PLA2G4D: variants seen among roughly 807,000 people sequenced by gnomAD.
PLA2G4D encodes cytosolic phospholipase A2 delta.
A neutral mutation model predicts 94.4 loss-of-function variants in PLA2G4D; 80 were observed. The observed-to-expected ratio is 0.85, with a 90% CI of 0.71 to 1.02. The LOEUF is 1.02. PLA2G4D is among the 50% of genes least tolerant of loss of function. The pLI is 0.00. For synonymous variants in PLA2G4D, 438 were observed against 440.9 expected (o/e 0.99, Z 0.08); for missense variants, 1,050 against 1,034.7 (o/e 1.01, Z -0.20).
rs780164642 is a variant in PLA2G4D at position 42,083,339 on chromosome 15, G to C, written c.536-5C>G. On this transcript the variant is annotated splice_region_variant and splice_polypyrimidine_tract_variant and intron_variant, in intron 7 of 19. Coordinates refer to ENST00000290472, the MANE Select transcript of PLA2G4D (RefSeq NM_178034.4). ...CCAGCTCCAGCTTGTCCTGATCTAGGGAGAGAGTAGGCGGGTTAGCATGAG... is the reference window on the plus strand; with the variant it reads ...CCAGCTCCAGCTTGTCCTGATCTAGCGAGAGAGTAGGCGGGTTAGCATGAG... 1 of 1,611,408 alleles carries C rather than the reference G, an allele frequency of 6.2e-7. No homozygotes were observed. The highest frequency in any genetic ancestry group is 1.1e-5 in the South Asian group (1 of 90,750).
chr15:42,086,623 G>C (rs1473396127), intron 3 of PLA2G4D, among the ~76,000 whole-genome samples: 2 of 152,118 alleles, frequency 1.3e-5, no homozygotes, highest in African/African-American at 4.8e-5. Context: ...GGCTGAGGTG[G>C]GTGGGTCACC....
intron 12 of PLA2G4D, 39 bp downstream of exon 12, chr15:42,080,958 C>T (rs1890023599): frequency 1.2e-6 from 2 of 1,605,188 alleles, no homozygotes; most frequent in Non-Finnish European, 8.5e-7. Context: ...CGCTATGGCC[C>T]CTGATTGTCT....
Position 42,084,099 on chromosome 15 carries a change from G to T in PLA2G4D, c.472-320C>A. 1 of 333,880 alleles carries T rather than the reference G, an allele frequency of 3.0e-6. No homozygotes were observed. The highest frequency in any genetic ancestry group is 5.6e-6 in the Non-Finnish European group (1 of 178,290). The allele number at this position is 333,880 out of a possible 1,614,324, so 20.7% of individuals were successfully genotyped here. A position where few individuals can be genotyped will look rare whatever the true frequency, so the allele number is the denominator to read the frequency against. Reference sequence around the variant, plus strand: ...TCTTCTCTTGTTTCCCTGTGGCTTGGAGCTGGAGGAGGTATTCTACCACAA... The same window carrying T: ...TCTTCTCTTGTTTCCCTGTGGCTTGTAGCTGGAGGAGGTATTCTACCACAA... On this transcript the variant is annotated intron_variant, in intron 6 of 19. Transcript: ENST00000290472. This position sits in a 1 kb window ranked among gnomAD's most constrained non-coding sequence, Gnocchi z 4.8.
chr15:42,070,572 G>T, intron 18 of PLA2G4D, 145 bp downstream of exon 18: 1 of 1,067,888 alleles, frequency 9.4e-7, no homozygotes, highest in Non-Finnish European at 1.3e-6. Context: ...TAAGGACCCT[G>T]GCAGGAGCCA....
Position 42,086,194 on chromosome 15 carries a change from T to TTCTC in PLA2G4D, c.387+18_387+19insGAGA. The stretch of plus-strand genomic sequence containing the variant: ...GGAAGAAGTGGGGCCCACGGGGACT[T>TTCTC]CCCCACCCACCCACCCACCTGGGGA... On this transcript the variant is annotated intron_variant, in intron 4 of 19. Transcript: ENST00000290472. The TTCTC allele has an allele frequency of 1.5e-6, 2 of 1,370,444 alleles. No homozygotes were observed. The highest frequency in any genetic ancestry group is 1.5e-5 in the South Asian group (1 of 66,866). 84.9% of individuals were successfully genotyped at this position (1,370,444 alleles called of 1,614,324 possible). A position where few individuals can be genotyped will look rare whatever the true frequency, so the allele number is the denominator to read the frequency against.
At chr15:42,088,306 T>A (rs933046470) in intron 1 of PLA2G4D, among the ~76,000 whole-genome samples, 2 of 152,146 alleles carry the variant, frequency 1.3e-5, no homozygotes, top group Non-Finnish European at 2.9e-5. Flanking sequence ...AAGGCCACTG[T>A]GTATTAAGAT....
Position 42,086,194 on chromosome 15 carries a change from T to TTGGGGGGGGGGGGGGGGGGGGGGGGGG in PLA2G4D, c.387+18_387+19insCCCCCCCCCCCCCCCCCCCCCCCCCCA. 3 of 1,370,440 alleles carry TTGGGGGGGGGGGGGGGGGGGGGGGGGG rather than the reference T, an allele frequency of 2.2e-6. No homozygotes were observed. Among genetic ancestry groups the TTGGGGGGGGGGGGGGGGGGGGGGGGGG allele is most frequent in the African/African-American group, 1.6e-5 (1 of 64,356 alleles). The allele number at this position is 1,370,440 out of a possible 1,614,324, so 84.9% of individuals were successfully genotyped here. On this transcript the variant is annotated intron_variant, in intron 4 of 19. Transcript: ENST00000290472. Reference sequence around the variant, plus strand: ...GGAAGAAGTGGGGCCCACGGGGACTTCCCCACCCACCCACCCACCTGGGGA... The same window carrying TTGGGGGGGGGGGGGGGGGGGGGGGGGG: ...GGAAGAAGTGGGGCCCACGGGGACTTTGGGGGGGGGGGGGGGGGGGGGGGGGGCCCCACCCACCCACCCACCTGGGGA...
chr15:42,070,754 A>T lies in PLA2G4D; in HGVS notation c.2006T>A (p.Ile669Asn), dbSNP rs137875756. The T allele has an allele frequency of 5.7e-6, 9 of 1,577,470 alleles. No individual in the cohort carries two copies. The African/African-American group carries it at 1.2e-4, about 21-fold the overall frequency. The change falls in exon 18 of 20, where the codon ATC becomes AAC. Residue 669 changes from isoleucine to asparagine, a missense_variant. By Grantham distance (149) the Ile-to-Asn change is moderately radical. Coordinates refer to ENST00000290472, the MANE Select transcript of PLA2G4D (RefSeq NM_178034.4). ...AGATAGGGAGTAGTCGAAGGAGAGG[A>T]TGAGGTCCAGCCTGCGGCCTGGCCG... is the stretch of plus-strand genomic sequence containing the variant. ...MFRPGRRLDL[I>N]LSFDYSLSAP...
Position 42,085,114 on chromosome 15 carries a change from G to A in PLA2G4D, c.453C>T (p.Ile151=), listed in dbSNP as rs975789614. 4 of 1,614,092 alleles carry A rather than the reference G, an allele frequency of 2.5e-6. No homozygotes were observed. ...EETSDRPENL[I]TNKVIVAREL... is the part of the protein sequence containing the mutation. ...TGCTTACCACAATGACTTTGTTGGT[G>A]ATGAGGTTTTCTGGGCGATCTGACC... is the stretch of plus-strand genomic sequence containing the variant. The change falls in exon 6 of 20, where the codon ATC becomes ATT. Residue 151 remains isoleucine, a synonymous_variant. Transcript: ENST00000290472.
In PLA2G4D at chr15:42,068,714, C is replaced by A; in HGVS notation, c.*1G>T. 6.2e-7 allele frequency: 1 copy of A among 1,602,070 alleles called. No homozygotes were observed. The highest frequency in any genetic ancestry group is 1.1e-5 in the South Asian group (1 of 89,238). The stretch of plus-strand genomic sequence containing the variant: ...GAGGGTCCTGCAGCCTCTGAGCAAC[C>A]TCAGGTCTGTGCCCTTGGAGGCCTC... On this transcript the variant is annotated 3_prime_UTR_variant, in exon 20 of 20. Coordinates refer to ENST00000290472, the MANE Select transcript of PLA2G4D (RefSeq NM_178034.4).
At chr15:42,071,710 G>C (rs552395505) in intron 15 of PLA2G4D, 64 bp downstream of exon 15, 29 of 1,591,480 alleles carry the variant, frequency 1.8e-5, no homozygotes, top group Non-Finnish European at 2.5e-5. Flanking sequence ...TGAGCTACAG[G>C]ACCCATGTCC....
intron 1 of PLA2G4D, among the ~76,000 whole-genome samples, chr15:42,092,477 T>C (rs1890261460): frequency 6.6e-6 from 1 of 152,226 alleles, no homozygotes; most frequent in South Asian, 2.1e-4. Flanking sequence ...CAGATTTGAC[T>C]AATATGATTA....
At chr15:42,071,035 T>G (rs560556522) in intron 17 of PLA2G4D, 88 bp downstream of exon 17, 2 of 1,552,840 alleles carry the variant, frequency 1.3e-6, no homozygotes, top group East Asian at 4.5e-5. Context: ...CAGAAGTGGA[T>G]GCTGACCTCC....
intron 18 of PLA2G4D, chr15:42,070,420 G>A (rs1889781265): frequency 1.9e-6 from 1 of 517,648 alleles, no homozygotes; most frequent in Admixed American, 3.6e-5. Flanking sequence ...CGTCTCAGGG[G>A]AGGTCTGGGG....
At chr15:42,091,397 A>G (rs1339462657) in intron 1 of PLA2G4D, among the ~76,000 whole-genome samples, 1 of 152,236 alleles carries the variant, frequency 6.6e-6, no homozygotes, top group Non-Finnish European at 1.5e-5. Context: ...GGACACAGTG[A>G]GAAGTGACCA....
chr15:42,089,594 A>T (rs570044376), intron 1 of PLA2G4D, among the ~76,000 whole-genome samples: 1 of 152,160 alleles, frequency 6.6e-6, no homozygotes, highest in South Asian at 2.1e-4. Context: ...GATTTCATGA[A>T]CTTTGGGACA....
At chr15:42,088,518 G>T (rs982274740) in intron 1 of PLA2G4D, among the ~76,000 whole-genome samples, 1 of 152,212 alleles carries the variant, frequency 6.6e-6, no homozygotes, top group Admixed American at 6.5e-5. Context: ...GCACTGCCAC[G>T]ATCAGGAGGG....
Position 42,079,626 on chromosome 15 carries a change from G to A in PLA2G4D, c.1228C>T (p.Arg410Trp), listed in dbSNP as rs752322041. 3 of 1,611,748 alleles carry A rather than the reference G, an allele frequency of 1.9e-6. No homozygotes were observed. The highest frequency in any genetic ancestry group is 2.5e-6 in the Non-Finnish European group (3 of 1,179,182). ...TGCTCAGCCCGCAGCTCCAGCTCCC[G>A]GCGGTAGCTCGCCAGGCGCTCTGGG... The part of the protein sequence containing the change: ...FSPERLASYR[R>W]ELELRAEQGH... Residue 410 changes from arginine (R) to tryptophan (W), a missense_variant, in exon 13 of 20, where the codon CGG (arginine) becomes TGG (tryptophan). Coordinates refer to ENST00000290472, the MANE Select transcript of PLA2G4D (RefSeq NM_178034.4).
At chr15:42,089,951 C>G (rs1465741886) in intron 1 of PLA2G4D, among the ~76,000 whole-genome samples, 1 of 152,242 alleles carries the variant, frequency 6.6e-6, no homozygotes, top group Non-Finnish European at 1.5e-5. Context: ...CATTCCCCGG[C>G]AGGTTATTTT....
Sources: allele counts gnomAD v4.1 joint callset (sites outside exome capture counted in the v4.1 genomes callset), GRCh38; gene constraint gnomAD v4.1.1; non-coding constraint Gnocchi (gnomAD v3.1); transcripts MANE v1.5; gene names NCBI Gene and HGNC (gene_info 2026-07-23, HGNC 2026-07-21).